FCRL3: variants seen among roughly 807,000 people sequenced by gnomAD.
FCRL3 encodes Fc receptor like 3.
FCRL3 carries 89 observed loss-of-function variants against 75.0 expected under a neutral mutation model. The observed-to-expected ratio is 1.19, with a 90% confidence interval of 1.00 to 1.42. The LOEUF is 1.42. FCRL3 is among the 40% of genes most tolerant of loss of function. The probability of loss-of-function intolerance (pLI) is 0.00; values close to 1 mark genes in which losing one functional copy is unlikely to be tolerated. For missense variants in FCRL3, 946 were observed against 880.0 expected, an observed-to-expected ratio of 1.07 and a Z score of -0.95; for synonymous variants, 376 against 348.5, an observed-to-expected ratio of 1.08 and a Z score of -0.88.
At chr1:157,685,594 C>A (rs1419814229) in intron 10 of FCRL3, among the ~76,000 whole-genome samples, 1 of 152,064 alleles carries the variant, frequency 6.6e-6, no homozygotes, top group African/African-American at 2.4e-5. Context: ...GACACTTGAC[C>A]AAATAGACCT....
intron 10 of FCRL3, among the ~76,000 whole-genome samples, chr1:157,687,227 C>G (rs1655228813): frequency 6.6e-6 from 1 of 150,620 alleles, no homozygotes; most frequent in Admixed American, 6.7e-5. Flanking sequence ...AAATCAAAAC[C>G]ACCATCAGAT....
chr1:157,682,923 A>G lies in FCRL3; in HGVS notation c.1838+294T>C, dbSNP rs139992758. 2.0e-5 allele frequency among the ~76,000 whole-genome samples: 3 copies of G among 152,234 alleles called. No individual in the cohort carries two copies. The South Asian group carries it at 6.2e-4, about 31-fold the overall frequency. On this transcript the variant is annotated intron_variant, in intron 11 of 14. Coordinates refer to ENST00000368184, the MANE Select transcript of FCRL3 (RefSeq NM_052939.4). Reference sequence around the variant, plus strand: ...AAGGAAATGAATGCACTGTAGCCCTATGAAAGGTAATGCCATTAAGACATT... The same window carrying G: ...AAGGAAATGAATGCACTGTAGCCCTGTGAAAGGTAATGCCATTAAGACATT...
In FCRL3 at chr1:157,698,638, G is replaced by A. The variant is rs966408214; in HGVS notation, c.53-9C>T. On this transcript the variant is annotated splice_polypyrimidine_tract_variant and intron_variant, in intron 3 of 14. Coordinates refer to ENST00000368184, the MANE Select transcript of FCRL3 (RefSeq NM_052939.4). ...AGCTTTTGGGGCCACCCCTAAACAG[G>A]AAATAGAAAGATGAAGGCAGGGGAA... The A allele has an allele frequency of 1.9e-6, 3 of 1,613,574 alleles. No individual in the cohort carries two copies. Among genetic ancestry groups the A allele is most frequent in the Non-Finnish European group, 2.5e-6 (3 of 1,179,524 alleles).
Position 157,700,539 on chromosome 1 carries a change from G to T in FCRL3, c.-50C>A. 1 of 1,613,680 alleles carries T rather than the reference G, an allele frequency of 6.2e-7. No homozygotes were observed. Among genetic ancestry groups the T allele is most frequent in the Non-Finnish European group, 8.5e-7 (1 of 1,179,836 alleles). On this transcript the variant is annotated 5_prime_UTR_variant, in exon 2 of 15. Transcript: ENST00000368184. Reference sequence around the variant, plus strand: ...GGAAAGTCTGTCTCACCAAAAGCCCGACTTATCTCCAAGAAGGAGGGCAGG... The same window carrying T: ...GGAAAGTCTGTCTCACCAAAAGCCCTACTTATCTCCAAGAAGGAGGGCAGG...
chr1:157,689,919 T>C lies in FCRL3; in HGVS notation c.1691-2A>G, dbSNP rs1223838068. On this transcript the variant is annotated splice_acceptor_variant, in intron 9 of 14. Transcript: ENST00000368184. LOFTEE classifies it high-confidence loss of function. ...GGCCTGTTCTGTTCCTGGAAGTTCC[T>C]GAGTGGAGGGAGCTGTACTTGAGTT... 10 of 1,613,966 alleles carry C rather than the reference T, an allele frequency of 6.2e-6. No homozygotes were observed. The highest frequency in any genetic ancestry group is 8.5e-6 in the Non-Finnish European group (10 of 1,179,974).
rs541023844 is a variant in FCRL3, at chr1:157,699,803, T to C, written c.32-91A>G. The C allele has an allele frequency of 5.7e-6, 8 of 1,401,264 alleles. 1 individual carries two copies. Among genetic ancestry groups the C allele is most frequent in the Non-Finnish European group, 7.9e-6 (8 of 1,006,778 alleles). The allele number at this position is 1,401,264 out of a possible 1,614,324, so 86.8% of individuals were successfully genotyped here. A position where few individuals can be genotyped will look rare whatever the true frequency, so the allele number is the denominator to read the frequency against. ...CCACTTCTTTTGTTTTTCCTTATCA[T>C]TTCTTTGCTCCCTTTTTATATCATC... On this transcript the variant is annotated intron_variant, in intron 2 of 14. Coordinates refer to ENST00000368184, the MANE Select transcript of FCRL3 (RefSeq NM_052939.4).
intron 2 of FCRL3, among the ~76,000 whole-genome samples, chr1:157,699,930 C>T (rs1398213903): frequency 6.6e-6 from 1 of 152,094 alleles, no homozygotes; most frequent in African/African-American, 2.4e-5. Flanking sequence ...TTTACTTGGC[C>T]ACGGCACACT....
At position 157,695,524 on chromosome 1, in the gene FCRL3, A is replaced by T; in HGVS notation, c.1216T>A (p.Ser406Thr). 8 of 1,614,060 alleles carry T rather than the reference A, an allele frequency of 5.0e-6. No individual in the cohort carries two copies. The highest frequency in any genetic ancestry group is 6.8e-6 in the Non-Finnish European group (8 of 1,179,990). Residue 406 changes from serine (S) to threonine (T), a missense_variant, in exon 8 of 15, where the codon TCC becomes ACC. By Grantham distance (58) the Ser-to-Thr change is moderately conservative. Coordinates refer to ENST00000368184, the MANE Select transcript of FCRL3 (RefSeq NM_052939.4). ...AGGATCGGGGGAGAGCCTCTCAGGG[A>T]CTCACAGTGAAGCTCCAGCAGGTCC... Reference protein sequence around the residue: ...VGDLLELHCESLRGSPPILYR... With the variant: ...VGDLLELHCETLRGSPPILYR...
rs375874606 is a variant in FCRL3, at chr1:157,690,558, G to A, written c.1412-25C>T. On this transcript the variant is annotated intron_variant, in intron 8 of 14. Coordinates refer to ENST00000368184, the MANE Select transcript of FCRL3 (RefSeq NM_052939.4). ...ACTGAGGGAGGAAAAATAGTTCACT[G>A]GCAGTTTTACTTAAGTAGGTATACA... 4.3e-6 allele frequency: 7 copies of A among 1,610,816 alleles called. No homozygotes were observed. The African/African-American group carries it at 9.4e-5, about 22-fold the overall frequency.
At chr1:157,695,935 CCCCT>C in intron 7 of FCRL3, 101 bp downstream of exon 7, 5 of 149,114 alleles carry the variant, frequency 3.4e-5, no homozygotes, top group East Asian at 1.8e-4. Context: ...CCACCCCCCT[CCCCT>C]CCCTCCCTCC....
rs1358018386 is a variant in FCRL3, at chr1:157,676,983, A to G, written c.*1727T>C. On this transcript the variant is annotated 3_prime_UTR_variant, in exon 15 of 15. Coordinates refer to ENST00000368184, the MANE Select transcript of FCRL3 (RefSeq NM_052939.4). ...GCAGAATGTATCACATAGAAGACAGAGACATTTGCCTCCTCCCTCTTCAAG... is the reference window on the plus strand; with the variant it reads ...GCAGAATGTATCACATAGAAGACAGGGACATTTGCCTCCTCCCTCTTCAAG... 6.6e-6 allele frequency: 9 copies of G among 1,354,322 alleles called. No homozygotes were observed. Among genetic ancestry groups the G allele is most frequent in the Non-Finnish European group, 8.6e-6 (9 of 1,049,472 alleles). The allele number at this position is 1,354,322 out of a possible 1,614,324, so 83.9% of individuals were successfully genotyped here.
intron 10 of FCRL3, among the ~76,000 whole-genome samples, chr1:157,685,725 T>A (rs980651001): frequency 2.6e-5 from 4 of 152,138 alleles, no homozygotes; most frequent in African/African-American, 9.7e-5. Flanking sequence ...TCAATAAATT[T>A]TTTTAAAAAA....
At chr1:157,700,302 C>A (rs994236627) in intron 2 of FCRL3, among the ~76,000 whole-genome samples, 157 bp downstream of exon 2, 2 of 152,154 alleles carry the variant, frequency 1.3e-5, no homozygotes, top group Non-Finnish European at 2.9e-5. Context: ...GCATTTGGAG[C>A]CTCTTGGTTG....
chr1:157,676,784 A>G lies in FCRL3; in HGVS notation c.*1926T>C. ...GGTTCAGAATCTAGAAAATGGATAA[A>G]CAATGATAAGAGATGACAGGTCCCT... is the stretch of plus-strand genomic sequence containing the variant. On this transcript the variant is annotated 3_prime_UTR_variant, in exon 15 of 15. Coordinates refer to ENST00000368184, the MANE Select transcript of FCRL3 (RefSeq NM_052939.4). 2 of 1,550,178 alleles carry G rather than the reference A, an allele frequency of 1.3e-6. No individual in the cohort carries two copies. Among genetic ancestry groups the G allele is most frequent in the Non-Finnish European group, 1.7e-6 (2 of 1,146,782 alleles).
rs767987144 is a variant in FCRL3, at chr1:157,680,692, G to C, written c.2026+10C>G. 1.2e-6 allele frequency: 2 copies of C among 1,613,080 alleles called. No individual in the cohort carries two copies. Among genetic ancestry groups the C allele is most frequent in the African/African-American group, 2.7e-5 (2 of 74,898 alleles). ...CCACCTCACCTCTATTTGCCTGAAAGGCATCTTACCTGAGTTTTCTTTTGT... is the reference window on the plus strand; with the variant it reads ...CCACCTCACCTCTATTTGCCTGAAACGCATCTTACCTGAGTTTTCTTTTGT... On this transcript the variant is annotated intron_variant, in intron 13 of 14. Transcript: ENST00000368184.
rs760856382 is a variant in FCRL3, at chr1:157,697,367, G to A, written c.617C>T (p.Pro206Leu). ...CTGGGTCTCACAGGTCAGGGTCATG[G>A]GACTCCCCTCTATGGGCGTGGAAGA... is the stretch of plus-strand genomic sequence containing the variant. Reference protein sequence around the residue: ...ASSSTPIEGSPMTLTCETQLS... With the variant: ...ASSSTPIEGSLMTLTCETQLS... The change falls in exon 6 of 15, where the codon CCC becomes CTC. Residue 206 changes from proline to leucine, a missense_variant. Pro to Leu is a moderately conservative substitution (Grantham distance 98, BLOSUM62 -3). Transcript: ENST00000368184. 1 of 1,592,592 alleles carries A rather than the reference G, an allele frequency of 6.3e-7. No individual in the cohort carries two copies. Among genetic ancestry groups the A allele is most frequent in the Non-Finnish European group, 8.5e-7 (1 of 1,171,494 alleles).
chr1:157,693,726 TTCTC>T (rs754715689), intron 8 of FCRL3, among the ~76,000 whole-genome samples: 92 of 149,522 alleles, frequency 6.2e-4, no homozygotes, highest in Admixed American at 2.5e-3. Context: ...CTTCCTTCCT[TTCTC>T]TCTCTCTCTC....
chr1:157,690,636 C>G (rs1454539792), intron 8 of FCRL3, 103 bp from the exon 9 acceptor site: 3 of 1,405,284 alleles, frequency 2.1e-6, no homozygotes, highest in Non-Finnish European at 1.9e-6. Context: ...GAACATGCAC[C>G]TGGATTCTGG....
Position 157,677,520 on chromosome 1 carries a change from A to C in FCRL3, c.*1190T>G. On this transcript the variant is annotated 3_prime_UTR_variant, in exon 15 of 15. Coordinates refer to ENST00000368184, the MANE Select transcript of FCRL3 (RefSeq NM_052939.4). ...CATCAGGATTTCAGAATGGAGGTGA[A>C]GTCACTGAAAATTGTTGGTACATTT... is the stretch of plus-strand genomic sequence containing the variant. 1.0e-6 allele frequency: 1 copy of C among 985,394 alleles called. No homozygotes were observed. The highest frequency in any genetic ancestry group is 1.2e-6 in the Non-Finnish European group (1 of 829,878). 61.0% of individuals were successfully genotyped at this position (985,394 alleles called of 1,614,324 possible). A position where few individuals can be genotyped will look rare whatever the true frequency, so the allele number is the denominator to read the frequency against.
Sources: gnomAD v4.1 joint callset for allele counts (sites outside exome capture counted in the v4.1 genomes callset) on GRCh38, gnomAD v4.1.1 for gene constraint, MANE v1.5 for transcripts, NCBI Gene and HGNC (gene_info 2026-07-23, HGNC 2026-07-21) for gene names.